RPH3AL: variants seen among roughly 807,000 people sequenced by gnomAD.
RPH3AL encodes the protein rabphilin 3A like (without C2 domains), also known as rab effector Noc2.
RPH3AL carries 38 observed loss-of-function variants against 43.1 expected under a neutral mutation model. That is an observed-to-expected ratio of 0.88 (90% CI 0.68 to 1.15). RPH3AL has a LOEUF of 1.15. Ranked by LOEUF, RPH3AL falls within the 50% of genes most tolerant of loss-of-function variation. The pLI, the probability that RPH3AL is intolerant of heterozygous loss-of-function variation, is 0.00. For missense variants in RPH3AL, 462 were observed against 423.2 expected (o/e 1.09, Z -0.81); for synonymous variants, 189 against 176.3 (o/e 1.07, Z -0.57).
chr17:327,561 T>TG lies in RPH3AL; in HGVS notation c.-19dup, dbSNP rs754899583. ...TCGGCCATGGCTCGGAGCACCCGGCTGGGGGTGGGGAGTCACATCTGAGAT... is the reference window on the plus strand; with the variant it reads ...TCGGCCATGGCTCGGAGCACCCGGCTGGGGGGTGGGGAGTCACATCTGAGAT... On this transcript the variant is annotated 5_prime_UTR_variant, in exon 3 of 10. Transcript: ENST00000331302. 3 of 1,612,130 alleles carry TG rather than the reference T, an allele frequency of 1.9e-6. No individual in the cohort carries two copies. In the African/African-American group the frequency reaches 4.0e-5, roughly 22 times the overall value.
At chr17:234,909 C>G (rs1252551761) in intron 7 of RPH3AL, among the ~76,000 whole-genome samples, 4 of 152,180 alleles carry the variant, frequency 2.6e-5, no homozygotes, top group African/African-American at 7.2e-5. Flanking sequence ...GGTCAGCAAT[C>G]CTATCTGAAA....
chr17:331,598 G>C (rs1433865691), intron 2 of RPH3AL: 1 of 1,285,256 alleles, frequency 7.8e-7, no homozygotes, highest in African/African-American at 1.5e-5. Context: ...GCACATTTTA[G>C]GAAACTGCCC....
In RPH3AL at chr17:264,917, C is replaced by A. The variant is rs1251103613; in HGVS notation, c.438+16851G>T. Among the ~76,000 whole-genome samples, 1 of 152,144 alleles carries A rather than the reference C, an allele frequency of 6.6e-6. No homozygotes were observed. Among genetic ancestry groups the A allele is most frequent in the African/African-American group, 2.4e-5 (1 of 41,418 alleles). On this transcript the variant is annotated intron_variant, in intron 6 of 9. Coordinates refer to ENST00000331302, the MANE Select transcript of RPH3AL (RefSeq NM_006987.4). This position sits in a 1 kb window ranked among gnomAD's most constrained non-coding sequence, Gnocchi z 4.8. ...GTCTAAATTACTAATGTACACATAA[C>A]TGCAAAACATGAAAATGTATAAGAA...
At position 219,738 on chromosome 17, in the gene RPH3AL, T is replaced by C. The variant is rs143140871; in HGVS notation, c.614-2A>G. On this transcript the variant is annotated splice_acceptor_variant, in intron 7 of 9. Coordinates refer to ENST00000331302, the MANE Select transcript of RPH3AL (RefSeq NM_006987.4). LOFTEE classifies it high-confidence loss of function. ...CACTGTCACTGTCACTGGAAACCAC[T>C]GGAAGAGACAGACCACAGCACAGGA... The C allele has an allele frequency of 5.0e-6, 8 of 1,610,126 alleles. No individual in the cohort carries two copies. The highest frequency in any genetic ancestry group is 6.8e-6 in the Non-Finnish European group (8 of 1,176,772).
chr17:224,865 C>CA lies in RPH3AL; in HGVS notation c.614-5130dup, dbSNP rs567356902. The stretch of plus-strand genomic sequence containing the variant: ...CATTCTCAGCAAACTATCGCAAAGA[C>CA]AAAAAACCAAACAGTGCATGTTCTC... On this transcript the variant is annotated intron_variant, in intron 7 of 9. Transcript: ENST00000331302. 8.5e-3 allele frequency among the ~76,000 whole-genome samples: 1,246 copies of CA among 147,066 alleles called. 15 individuals are homozygous for CA. The highest frequency in any genetic ancestry group is 0.029 in the African/African-American group (1,143 of 39,876).
chr17:285,937 G>A (rs1055095265), intron 5 of RPH3AL, among the ~76,000 whole-genome samples: 1 of 152,184 alleles, frequency 6.6e-6, no homozygotes, highest in Non-Finnish European at 1.5e-5. Flanking sequence ...CTGAGCACCC[G>A]TGAGGGGCAC....
At chr17:237,789 C>T (rs971081651) in intron 7 of RPH3AL, among the ~76,000 whole-genome samples, 2 of 152,206 alleles carry the variant, frequency 1.3e-5, no homozygotes, top group Non-Finnish European at 2.9e-5. Flanking sequence ...CCTGAGAGCC[C>T]TCTGAACACT....
At chr17:261,788 T>G (rs2042201095) in intron 6 of RPH3AL, 1 of 151,570 alleles carries the variant, frequency 6.6e-6, no homozygotes, top group Non-Finnish European at 1.5e-5. Flanking sequence ...AAAACACAAG[T>G]GAAAAACAAG....
chr17:311,537 A>G (rs2043646737), intron 5 of RPH3AL, among the ~76,000 whole-genome samples: 1 of 152,156 alleles, frequency 6.6e-6, no homozygotes, highest in Admixed American at 6.5e-5. Context: ...ACTAGAGAAT[A>G]CTGTCTGCCC....
intron 5 of RPH3AL, among the ~76,000 whole-genome samples, chr17:293,408 G>A (rs747409701): frequency 2.2e-4 from 33 of 151,940 alleles, no homozygotes; most frequent in Non-Finnish European, 4.1e-4. Flanking sequence ...GTGCCTCTGC[G>A]AGTGTCAGTC....
chr17:317,786 C>G lies in RPH3AL; in HGVS notation c.351+1634G>C, dbSNP rs1383520435. Among the ~76,000 whole-genome samples the G allele has an allele frequency of 2.6e-5, 4 of 152,204 alleles. 1 individual carries two copies. In the East Asian group the frequency reaches 7.7e-4, roughly 29 times the overall value. On this transcript the variant is annotated intron_variant, in intron 5 of 9. Coordinates refer to ENST00000331302, the MANE Select transcript of RPH3AL (RefSeq NM_006987.4). ...TTCACTGTACCTTTGGTTTTCTCAT[C>G]CAGCTTTTGAATGCCCCTGAAAATG...
rs1367296542 is a variant in RPH3AL, at chr17:219,689, G to A, written c.661C>T (p.Leu221=). 2 of 1,613,586 alleles carry A rather than the reference G, an allele frequency of 1.2e-6. No individual in the cohort carries two copies. The highest frequency in any genetic ancestry group is 1.3e-5 in the African/African-American group (1 of 74,846). ...CCAGTGGATGGGAGTCTGTCCTCTA[G>A]GCTGGAGGAGCTAAGATCCGAGTCA... is the stretch of plus-strand genomic sequence containing the variant. ...DSDSDLSSSS[L]EDRLPSTGVR... Residue 221 remains leucine, a synonymous_variant, in exon 8 of 10, where the codon CTA becomes TTA. Coordinates refer to ENST00000331302, the MANE Select transcript of RPH3AL (RefSeq NM_006987.4).
chr17:312,728 G>A (rs2151657159), intron 5 of RPH3AL, among the ~76,000 whole-genome samples: 1 of 152,328 alleles, frequency 6.6e-6, no homozygotes, highest in African/African-American at 2.4e-5. Flanking sequence ...GATGACAGAA[G>A]CTTAATGACC....
At chr17:247,932 G>C (rs888758277) in intron 6 of RPH3AL, among the ~76,000 whole-genome samples, 7 of 152,076 alleles carry the variant, frequency 4.6e-5, no homozygotes, top group Admixed American at 6.5e-5. Flanking sequence ...GACCTCCCGG[G>C]CACCTTCTCT....
intron 5 of RPH3AL, among the ~76,000 whole-genome samples, chr17:291,535 G>A (rs1017584756): frequency 3.3e-5 from 5 of 152,170 alleles, no homozygotes; most frequent in African/African-American, 4.8e-5. Flanking sequence ...CCCCTGCCCC[G>A]ATAAAATAGG....
chr17:284,557 T>G (rs887764008), intron 5 of RPH3AL, among the ~76,000 whole-genome samples: 9 of 152,126 alleles, frequency 5.9e-5, no homozygotes, highest in African/African-American at 1.9e-4. Context: ...CGGCCCAGGC[T>G]GGACAGTCTG....
chr17:352,337 C>A (rs1567545681), intron 1 of RPH3AL, among the ~76,000 whole-genome samples: 1 of 152,232 alleles, frequency 6.6e-6, no homozygotes, highest in Non-Finnish European at 1.5e-5. Context: ...CCCTCTGCCC[C>A]ACTCCCCCAA....
intron 6 of RPH3AL, among the ~76,000 whole-genome samples, chr17:262,462 C>T (rs562560585): frequency 6.6e-6 from 1 of 152,266 alleles, no homozygotes; most frequent in South Asian, 2.1e-4. Flanking sequence ...GATCCACCCG[C>T]CTCGGCCTCC....
At chr17:317,231 T>G (rs1598113651) in intron 5 of RPH3AL, among the ~76,000 whole-genome samples, 1 of 150,476 alleles carries the variant, frequency 6.6e-6, no homozygotes, top group East Asian at 2.0e-4. Context: ...CTGCAGTGCC[T>G]GTGCTCCACC....
Sources: gnomAD v4.1 joint callset for allele counts (sites outside exome capture counted in the v4.1 genomes callset) on GRCh38, gnomAD v4.1.1 for gene constraint, Gnocchi (gnomAD v3.1) non-coding constraint, MANE v1.5 for transcripts, NCBI Gene and HGNC (gene_info 2026-07-23, HGNC 2026-07-21) for gene names.